The following PPP1CC variants were observed in gnomAD, a reference collection of about 807,000 sequenced individuals.
PPP1CC encodes serine/threonine-protein phosphatase PP1-gamma catalytic subunit.
A neutral mutation model predicts 38.4 loss-of-function variants in PPP1CC; 16 were observed. That is an observed-to-expected ratio of 0.42 (90% CI 0.28 to 0.63). The LOEUF (loss-of-function observed/expected upper bound fraction) is 0.63, where lower values mean the gene tolerates loss of function less well. PPP1CC is among the 30% of genes least tolerant of loss of function. PPP1CC has a pLI of 0.25. For synonymous variants in PPP1CC, 158 were observed against 136.0 expected (o/e 1.16, Z -1.13); for missense variants, 170 against 391.3 (o/e 0.43, Z 4.77).
intron 1 of PPP1CC, 59 bp downstream of exon 1, chr12:110,742,594 G>A (rs2070030765): frequency 8.8e-6 from 12 of 1,361,578 alleles, no homozygotes; most frequent in Non-Finnish European, 1.2e-5. Context: ...TCGAGCCCCC[G>A]GGGCCGCCTG....
chr12:110,716,898 G>C (rs946269849), downstream of PPP1CC, among the ~76,000 whole-genome samples: 2 of 152,300 alleles, frequency 1.3e-5, no homozygotes, highest in East Asian at 3.9e-4. Context: ...CTAATTCAGG[G>C]ATGCACTAAT....
chr12:110,737,216 G>A (rs1045791313), intron 1 of PPP1CC, among the ~76,000 whole-genome samples: 3 of 152,044 alleles, frequency 2.0e-5, no homozygotes, highest in African/African-American at 7.3e-5. Flanking sequence ...GGTGTCTAAC[G>A]CCTGTAATCC....
chr12:110,736,571 G>A (rs772941729), intron 1 of PPP1CC, among the ~76,000 whole-genome samples: 35 of 152,238 alleles, frequency 2.3e-4, no homozygotes, highest in Middle Eastern at 3.4e-3. Context: ...TTGAGCCCGG[G>A]AGACAGATGC....
intron 1 of PPP1CC, among the ~76,000 whole-genome samples, chr12:110,736,516 C>T (rs568366730): frequency 9.9e-5 from 15 of 151,956 alleles, no homozygotes; most frequent in Admixed American, 5.2e-4. Flanking sequence ...TGGTGGCGTG[C>T]GCCTGTAGTC....
In PPP1CC at chr12:110,731,819, A is replaced by G; in HGVS notation, c.138T>C (p.Phe46=). 1 of 1,613,656 alleles carries G rather than the reference A, an allele frequency of 6.2e-7. No homozygotes were observed. Among genetic ancestry groups the G allele is most frequent in the African/African-American group, 1.3e-5 (1 of 75,048 alleles). The change falls in exon 2 of 7, where the codon TTT becomes TTC. Residue 46 remains phenylalanine, a synonymous_variant. Coordinates refer to ENST00000335007, the MANE Select transcript of PPP1CC (RefSeq NM_002710.4). ...GTTCTAGTAGGATAGGCTGACTGAG[A>G]AAGATTTCACGAGACTTTAAGCACA... The part of the protein sequence containing the change: ...RGLCLKSREI[F]LSQPILLELE...
chr12:110,714,581 C>T, the PPP1CC span, among the ~76,000 whole-genome samples: 2 of 151,354 alleles, frequency 1.3e-5, no homozygotes, highest in African/African-American at 4.9e-5. Flanking sequence ...CTGAGGCAGG[C>T]GAATCACTTG....
At chr12:110,737,476 T>C (rs1306706966) in intron 1 of PPP1CC, among the ~76,000 whole-genome samples, 2 of 6,482 alleles carry the variant, frequency 3.1e-4, no homozygotes, top group Admixed American at 1.5e-3. Flanking sequence ...AAAGAAAGAC[T>C]CAAAAAAAAA....
At chr12:110,730,964 A>G (rs2069865174) in intron 2 of PPP1CC, among the ~76,000 whole-genome samples, 1 of 152,244 alleles carries the variant, frequency 6.6e-6, no homozygotes. Context: ...TTTTAAGTAT[A>G]TGTGTATGTC....
chr12:110,742,666 T>A lies in PPP1CC; in HGVS notation c.42A>T (p.Gln14His). ...LDKLNIDSII[Q>H]RLLEVRGSKP... Reference sequence around the variant, plus strand: ...CGCCCCCCTTACCTTCCAGCAGCCGTTGGATAATGCTGTCGATGTTGAGTT... The same window carrying A: ...CGCCCCCCTTACCTTCCAGCAGCCGATGGATAATGCTGTCGATGTTGAGTT... The change falls in exon 1 of 7, where the codon CAA (glutamine) becomes CAT (histidine). Residue 14 changes from glutamine (Q) to histidine (H), a missense_variant. Gln to His is a conservative substitution (Grantham distance 24). Around this residue, in one of 3 missense-constraint regions of PPP1CC, gnomAD observed 30 missense variants for 23.0 expected, o/e 1.30. Coordinates refer to ENST00000335007, the MANE Select transcript of PPP1CC (RefSeq NM_002710.4). 1 of 1,386,050 alleles carries A rather than the reference T, an allele frequency of 7.2e-7. No individual in the cohort carries two copies. 85.9% of individuals were successfully genotyped at this position (1,386,050 alleles called of 1,614,324 possible).
chr12:110,720,026 G>GT lies in PPP1CC; in HGVS notation c.*1049dup. 2.1e-6 allele frequency: 2 copies of GT among 947,222 alleles called. No homozygotes were observed. Among genetic ancestry groups the GT allele is most frequent in the Non-Finnish European group, 3.1e-6 (2 of 643,072 alleles). The allele number at this position is 947,222 out of a possible 1,614,324, so 58.7% of individuals were successfully genotyped here. A position where few individuals can be genotyped will look rare whatever the true frequency, so the allele number is the denominator to read the frequency against. Reference sequence around the variant, plus strand: ...TTAGTTTAAAAAAGTCATAGGTACTGTGAGTTCTGTATAAACTGGTGGACA... The same window carrying GT: ...TTAGTTTAAAAAAGTCATAGGTACTGTTGAGTTCTGTATAAACTGGTGGACA... On this transcript the variant is annotated 3_prime_UTR_variant, in exon 7 of 7. Transcript: ENST00000335007.
Position 110,720,068 on chromosome 12 carries a change from G to A in PPP1CC, c.*1008C>T. On this transcript the variant is annotated 3_prime_UTR_variant, in exon 7 of 7. Transcript: ENST00000335007. ...TGGTGGACAGTAAGTTAGTTCCTTT[G>A]TTTTAACTTATAAGCCTCAACTTCA... 1 of 1,417,160 alleles carries A rather than the reference G, an allele frequency of 7.1e-7. No individual in the cohort carries two copies. Among genetic ancestry groups the A allele is most frequent in the South Asian group, 1.3e-5 (1 of 79,616 alleles). 87.8% of individuals were successfully genotyped at this position (1,417,160 alleles called of 1,614,324 possible).
chr12:110,718,569 C>T (rs1393797714), downstream of PPP1CC, among the ~76,000 whole-genome samples: 1 of 152,188 alleles, frequency 6.6e-6, no homozygotes, highest in African/African-American at 2.4e-5. Context: ...ACTTCAAACT[C>T]AGCCAACCGA....
Position 110,720,909 on chromosome 12 carries a change from T to C in PPP1CC, c.*167A>G. The C allele has an allele frequency of 1.9e-6, 1 of 536,970 alleles. No individual in the cohort carries two copies. 33.3% of individuals were successfully genotyped at this position (536,970 alleles called of 1,614,324 possible). On this transcript the variant is annotated 3_prime_UTR_variant, in exon 7 of 7. Coordinates refer to ENST00000335007, the MANE Select transcript of PPP1CC (RefSeq NM_002710.4). ...CTTTTTGGAGTGAAGAGTCTTTCAT[T>C]TGCTGTTATAACCAGCAAATGCCAT...
the PPP1CC span, among the ~76,000 whole-genome samples, chr12:110,714,240 A>T: frequency 6.6e-6 from 1 of 152,270 alleles, no homozygotes; most frequent in East Asian, 1.9e-4. Context: ...TTTGCACTGC[A>T]GCAAATCTTA....
chr12:110,732,404 AAAAGAAAAGG>A (rs1174554798), intron 1 of PPP1CC: 3 of 158,238 alleles, frequency 1.9e-5, no homozygotes, highest in East Asian at 3.6e-4. Flanking sequence ...TCAAAAAAAA[AAAAGAAAAGG>A]AAAGAAAAGA....
chr12:110,723,615 T>A (rs914625090), intron 4 of PPP1CC, among the ~76,000 whole-genome samples: 9 of 152,134 alleles, frequency 5.9e-5, no homozygotes, highest in African/African-American at 1.9e-4. Flanking sequence ...GTTCAAGCGA[T>A]CCTCCCGCCT....
Position 110,720,192 on chromosome 12 carries a change from A to G in PPP1CC, c.*884T>C. On this transcript the variant is annotated 3_prime_UTR_variant, in exon 7 of 7. Coordinates refer to ENST00000335007, the MANE Select transcript of PPP1CC (RefSeq NM_002710.4). ...TGAAGCTTTCTGAATGGACGGGTTC[A>G]GGCCTGATGCAACTGTAAAAAGATT... 6.4e-7 allele frequency: 1 copy of G among 1,552,338 alleles called. No homozygotes were observed. The highest frequency in any genetic ancestry group is 8.7e-7 in the Non-Finnish European group (1 of 1,154,462).
rs1026282471 is a variant in PPP1CC at position 110,729,192 on chromosome 12, C to CTTT, written c.418+1334_418+1336dup. On this transcript the variant is annotated intron_variant, in intron 3 of 6. Transcript: ENST00000335007. ...CTTTACTGAACTGATATTTTCAAAG[C>CTTT]TTTTTTTTTTTTTTTTTTTTGAGAC... is the stretch of plus-strand genomic sequence containing the variant. 1.5e-3 allele frequency among the ~76,000 whole-genome samples: 177 copies of CTTT among 120,256 alleles called. 1 individual carries two copies. Among genetic ancestry groups the CTTT allele is most frequent in the Middle Eastern group, 4.5e-3 (1 of 222 alleles). 78.9% of individuals were successfully genotyped at this position (120,256 alleles called of 152,430 possible).
At chr12:110,733,121 T>C (rs2069899676) in intron 1 of PPP1CC, 1 of 152,196 alleles carries the variant, frequency 6.6e-6, no homozygotes, top group African/African-American at 2.4e-5. Context: ...TTTTTCTCTC[T>C]AGACACACAT....
Sources: allele counts gnomAD v4.1 joint callset (sites outside exome capture counted in the v4.1 genomes callset), GRCh38; gene constraint gnomAD v4.1.1; regional missense constraint gnomAD v4.1.1; transcripts MANE v1.5; gene names NCBI Gene and HGNC (gene_info 2026-07-23, HGNC 2026-07-21).